Variants in ARB2A observed in about 807,000 individuals in gnomAD.
The protein encoded by ARB2A is ARB2 cotranscriptional regulator A.
the ARB2A span, among the ~76,000 whole-genome samples, chr5:93,645,775 C>G: frequency 6.6e-6 from 1 of 152,022 alleles, no homozygotes; most frequent in Non-Finnish European, 1.5e-5. Context: ...TATGTATACT[C>G]CACAATAAAA....
chr5:93,908,969 C>T, the ARB2A span, among the ~76,000 whole-genome samples: 1 of 150,988 alleles, frequency 6.6e-6, no homozygotes, highest in Admixed American at 6.6e-5. Context: ...CTAGAATGAA[C>T]GAGACGTCTT....
At chr5:93,664,980 C>T in the ARB2A span, among the ~76,000 whole-genome samples, 3 of 152,120 alleles carry the variant, frequency 2.0e-5, no homozygotes, top group Non-Finnish European at 4.4e-5. Context: ...GCATGCACTA[C>T]CATGCCTGGC....
At chr5:94,100,451 T>C in the ARB2A span, among the ~76,000 whole-genome samples, 3 of 152,248 alleles carry the variant, frequency 2.0e-5, no homozygotes, top group East Asian at 5.8e-4. Context: ...TAAAATTTTA[T>C]GGAACCAAAA....
At chr5:93,920,286 C>T in the ARB2A span, among the ~76,000 whole-genome samples, 9 of 152,036 alleles carry the variant, frequency 5.9e-5, no homozygotes, top group East Asian at 1.9e-4. Flanking sequence ...AACTTCATAA[C>T]GAGCCATAGA....
the ARB2A span, among the ~76,000 whole-genome samples, chr5:93,973,900 G>A: frequency 1.3e-5 from 2 of 152,164 alleles, no homozygotes; most frequent in African/African-American, 4.8e-5. Context: ...TGCCTGTGGG[G>A]TATCTGAACA....
At chr5:93,865,880 G>A in the ARB2A span, 2 of 985,400 alleles carry the variant, frequency 2.0e-6, no homozygotes, top group Non-Finnish European at 2.4e-6. Context: ...TTAAAAGGTA[G>A]GAAAAACAAT....
the ARB2A span, chr5:94,055,580 G>C: frequency 7.2e-6 from 7 of 971,332 alleles, no homozygotes; most frequent in Non-Finnish European, 8.6e-6. Context: ...GTACACTCTA[G>C]TAAGACAAAA....
the ARB2A span, among the ~76,000 whole-genome samples, chr5:93,873,106 T>C: frequency 6.6e-6 from 1 of 151,746 alleles, no homozygotes; most frequent in African/African-American, 2.4e-5. Context: ...AAACAAATAA[T>C]ATTCATTAAT....
chr5:93,769,469 C>T, the ARB2A span, among the ~76,000 whole-genome samples: 7 of 152,132 alleles, frequency 4.6e-5, no homozygotes, highest in Non-Finnish European at 1.0e-4. Flanking sequence ...CTGCCATCAC[C>T]TCAATCAATG....
the ARB2A span, among the ~76,000 whole-genome samples, chr5:93,634,934 C>T: frequency 6.6e-6 from 1 of 152,002 alleles, no homozygotes; most frequent in South Asian, 2.1e-4. Context: ...GCCACCACGC[C>T]CGGCTAATTT....
chr5:93,669,598 T>G, the ARB2A span, among the ~76,000 whole-genome samples: 1 of 152,328 alleles, frequency 6.6e-6, no homozygotes, highest in East Asian at 1.9e-4. Context: ...AGAACTTGTT[T>G]TTCAAATTAC....
At chr5:93,722,979 T>C in the ARB2A span, among the ~76,000 whole-genome samples, 3 of 152,178 alleles carry the variant, frequency 2.0e-5, no homozygotes, top group Non-Finnish European at 2.9e-5. Context: ...AATTTCAATG[T>C]AGTCTAAGGC....
chr5:93,633,739 A>G, the ARB2A span, among the ~76,000 whole-genome samples: 9 of 152,292 alleles, frequency 5.9e-5, no homozygotes, highest in East Asian at 1.7e-3. Context: ...AGATGAGATT[A>G]CTATAATAAA....
chr5:93,760,771 A>C, the ARB2A span, among the ~76,000 whole-genome samples: 11 of 152,360 alleles, frequency 7.2e-5, no homozygotes, highest in Non-Finnish European at 1.5e-4. Flanking sequence ...TTAAGGACTT[A>C]AACTTAAGAC....
the ARB2A span, among the ~76,000 whole-genome samples, chr5:93,788,983 T>A: frequency 6.6e-6 from 1 of 152,230 alleles, no homozygotes; most frequent in Non-Finnish European, 1.5e-5. Flanking sequence ...ACACTCAGAA[T>A]AATTACTTCT....
At chr5:93,694,990 A>G in the ARB2A span, among the ~76,000 whole-genome samples, 1 of 152,220 alleles carries the variant, frequency 6.6e-6, no homozygotes, top group South Asian at 2.1e-4. Flanking sequence ...AGCCATATGC[A>G]GAAAACTGAA....
chr5:93,949,568 T>A, the ARB2A span, among the ~76,000 whole-genome samples: 1 of 151,568 alleles, frequency 6.6e-6, no homozygotes, highest in South Asian at 2.1e-4. Context: ...ATAATAAAAA[T>A]AATAATAATA....
At chr5:94,064,534 T>C in the ARB2A span, among the ~76,000 whole-genome samples, 15 of 152,272 alleles carry the variant, frequency 9.9e-5, no homozygotes, top group Admixed American at 2.0e-4. Flanking sequence ...ATCTTCTCCA[T>C]CACATATTAT....
the ARB2A span, among the ~76,000 whole-genome samples, chr5:93,749,559 A>G: frequency 6.6e-6 from 1 of 152,172 alleles, no homozygotes; most frequent in Non-Finnish European, 1.5e-5. Flanking sequence ...TTAATTCTCA[A>G]TATAACCCAA....
Sources: gnomAD v4.1 joint callset for allele counts (sites outside exome capture counted in the v4.1 genomes callset) on GRCh38, gnomAD v4.1.1 for gene constraint, MANE v1.5 for transcripts, NCBI Gene and HGNC (gene_info 2026-07-23, HGNC 2026-07-21) for gene names.